Variants in LMX1A observed in about 807,000 individuals in gnomAD.
LMX1A encodes LIM homeobox transcription factor 1 alpha.
LMX1A carries 15 observed loss-of-function variants against 49.1 expected under a neutral mutation model. The ratio of observed to expected loss-of-function variants is 0.31; its 90% CI spans 0.20 to 0.47. The LOEUF is 0.47. Among genes scored for constraint, LMX1A ranks in the 20% least tolerant of loss-of-function variants. The pLI is 1.00. For synonymous variants in LMX1A, 167 were observed against 185.7 expected, an observed-to-expected ratio of 0.90 and a Z score of 0.82; for missense variants, 372 against 475.8, an observed-to-expected ratio of 0.78 and a Z score of 2.03.
intron 3 of LMX1A, among the ~76,000 whole-genome samples, chr1:165,271,340 A>T (rs1653787991): frequency 6.6e-6 from 1 of 152,228 alleles, no homozygotes; most frequent in South Asian, 2.1e-4. Context: ...TCCCAAAGAT[A>T]GAGAGAGGCT....
At chr1:165,311,016 C>T (rs906841917) in intron 3 of LMX1A, among the ~76,000 whole-genome samples, 1 of 152,160 alleles carries the variant, frequency 6.6e-6, no homozygotes, top group Admixed American at 6.5e-5. Context: ...TTTGACTTTC[C>T]CACTTCTTTA....
At chr1:165,222,032 A>G (rs1206607034) in intron 4 of LMX1A, among the ~76,000 whole-genome samples, 2 of 152,068 alleles carry the variant, frequency 1.3e-5, no homozygotes, top group African/African-American at 4.8e-5. Context: ...TCTAATAAAA[A>G]CATGGCCAAA....
At chr1:165,291,023 A>G (rs1272193956) in intron 3 of LMX1A, among the ~76,000 whole-genome samples, 1 of 152,236 alleles carries the variant, frequency 6.6e-6, no homozygotes, top group Non-Finnish European at 1.5e-5. Context: ...CAATTTATAT[A>G]CCTGCCCACT....
intron 3 of LMX1A, among the ~76,000 whole-genome samples, chr1:165,253,120 A>AGGAT (rs1243802738): frequency 6.6e-6 from 1 of 152,232 alleles, no homozygotes; most frequent in African/African-American, 2.4e-5. Flanking sequence ...TAGGCACAAG[A>AGGAT]GGATACAAGA....
intron 3 of LMX1A, among the ~76,000 whole-genome samples, chr1:165,350,575 C>A (rs1053116232): frequency 6.6e-6 from 1 of 152,066 alleles, no homozygotes; most frequent in South Asian, 2.1e-4. Flanking sequence ...AAAAATCTCT[C>A]TCCTTTTTCT....
At chr1:165,254,361 G>C (rs1288220843) in intron 3 of LMX1A, among the ~76,000 whole-genome samples, 1 of 152,154 alleles carries the variant, frequency 6.6e-6, no homozygotes, top group Non-Finnish European at 1.5e-5. Context: ...CTCAAATCCT[G>C]AAATGGTCAT....
rs1310119447 is a variant in LMX1A at position 165,208,140 on chromosome 1, G to A, written c.748-8C>T. 6.2e-7 allele frequency: 1 copy of A among 1,613,760 alleles called. No homozygotes were observed. Among genetic ancestry groups the A allele is most frequent in the South Asian group, 1.1e-5 (1 of 91,042 alleles). On this transcript the variant is annotated splice_region_variant and splice_polypyrimidine_tract_variant and intron_variant, in intron 6 of 8. Transcript: ENST00000342310. ...CCTGGCCAGCTTCTTCATCTGATAAGGAGAGGACCATAGGATTAGAAGTCA... is the reference window on the plus strand; with the variant it reads ...CCTGGCCAGCTTCTTCATCTGATAAAGAGAGGACCATAGGATTAGAAGTCA...
At chr1:165,248,681 C>G (rs959705301) in intron 4 of LMX1A, among the ~76,000 whole-genome samples, 10 of 152,088 alleles carry the variant, frequency 6.6e-5, no homozygotes, top group African/African-American at 1.7e-4. Flanking sequence ...ACCTGCCAAG[C>G]CTTAGATAGA....
intron 3 of LMX1A, among the ~76,000 whole-genome samples, chr1:165,284,712 C>T (rs555513410): frequency 2.2e-3 from 342 of 152,306 alleles, no homozygotes; most frequent in Non-Finnish European, 3.3e-3. Context: ...GTCTGCTGAG[C>T]GCAAGCAGGT....
chr1:165,251,384 G>A (rs1653056387), intron 3 of LMX1A, among the ~76,000 whole-genome samples: 1 of 152,160 alleles, frequency 6.6e-6, no homozygotes, highest in Non-Finnish European at 1.5e-5. Context: ...CTCCAGGCTT[G>A]AATGGTTTTT....
At position 165,287,361 on chromosome 1, in the gene LMX1A, G is replaced by A. The variant is rs561616973; in HGVS notation, c.264-37721C>T. On this transcript the variant is annotated intron_variant, in intron 3 of 8. Transcript: ENST00000342310. ...CTCTATTCCTGATAGGTAAATTGGA[G>A]CTCGGACTACACCTCTCGGACTACA... is the stretch of plus-strand genomic sequence containing the variant. Among the ~76,000 whole-genome samples, 17 of 152,246 alleles carry A rather than the reference G, an allele frequency of 1.1e-4. No individual in the cohort carries two copies. The South Asian group carries it at 3.5e-3, about 32-fold the overall frequency.
At chr1:165,209,397 G>T (rs1173138723) in intron 6 of LMX1A, among the ~76,000 whole-genome samples, 1 of 152,168 alleles carries the variant, frequency 6.6e-6, no homozygotes, top group Non-Finnish European at 1.5e-5. Context: ...TCAGCCCCTA[G>T]GTAGCTTCAG....
chr1:165,213,729 C>A lies in LMX1A; in HGVS notation c.581G>T (p.Arg194Leu), dbSNP rs909983869. 6.2e-7 allele frequency: 1 copy of A among 1,614,198 alleles called. No individual in the cohort carries two copies. Among genetic ancestry groups the A allele is most frequent in the Non-Finnish European group, 8.5e-7 (1 of 1,180,020 alleles). ...GTAEEGKDHK[R>L]PKRPRTILTT... ...CAAGATGGTTCTCGGACGTTTGGGG[C>A]GCTTATGGTCCTTGCCTTCCTCAGC... Residue 194 changes from arginine to leucine, a missense_variant, in exon 5 of 9, where the codon CGC becomes CTC. Physicochemically the swap from Arg to Leu is moderately radical, Grantham distance 102. This residue lies in a region of LMX1A where 199 missense variants were observed against 244.0 expected (regional missense o/e 0.82). Transcript: ENST00000342310.
intron 4 of LMX1A, among the ~76,000 whole-genome samples, chr1:165,217,564 G>A (rs1307832649): frequency 6.6e-6 from 1 of 152,214 alleles, no homozygotes; most frequent in Non-Finnish European, 1.5e-5. Context: ...ATTGGTTCCA[G>A]GACCCCTGCA....
At chr1:165,268,513 T>A (rs1034104653) in intron 3 of LMX1A, among the ~76,000 whole-genome samples, 3 of 152,212 alleles carry the variant, frequency 2.0e-5, no homozygotes, top group Non-Finnish European at 2.9e-5. Context: ...AGATCACTAG[T>A]AAATATTCCC....
At chr1:165,206,569 C>T (rs1033148348) in intron 7 of LMX1A, among the ~76,000 whole-genome samples, 1 of 152,160 alleles carries the variant, frequency 6.6e-6, no homozygotes, top group Non-Finnish European at 1.5e-5. Context: ...ACCTTTGGAG[C>T]GCCTTTAGAA....
chr1:165,263,108 G>C (rs139688359), intron 3 of LMX1A, among the ~76,000 whole-genome samples: 1 of 152,148 alleles, frequency 6.6e-6, no homozygotes, highest in Non-Finnish European at 1.5e-5. Flanking sequence ...GAAATGTTTA[G>C]TTCTCTTCTT....
At chr1:165,313,400 G>A (rs1655128441) in intron 3 of LMX1A, among the ~76,000 whole-genome samples, 1 of 149,664 alleles carries the variant, frequency 6.7e-6, no homozygotes, top group African/African-American at 2.5e-5. Flanking sequence ...GCCAAAATCT[G>A]CCTGGTGTCA....
chr1:165,223,091 A>T (rs1489611057), intron 4 of LMX1A, among the ~76,000 whole-genome samples: 1 of 152,022 alleles, frequency 6.6e-6, no homozygotes, highest in Non-Finnish European at 1.5e-5. Context: ...CTCCGAATAC[A>T]CTAAACACTA....
Sources: gnomAD v4.1 joint callset for allele counts (sites outside exome capture counted in the v4.1 genomes callset) on GRCh38, gnomAD v4.1.1 for gene constraint, gnomAD v4.1.1 regional missense constraint, MANE v1.5 for transcripts, NCBI Gene and HGNC (gene_info 2026-07-23, HGNC 2026-07-21) for gene names.